PLEKHM2: variants seen among roughly 807,000 people sequenced by gnomAD.
PLEKHM2 encodes pleckstrin homology and RUN domain containing M2, also known as pleckstrin homology domain-containing family M member 2.
In PLEKHM2, 77 loss-of-function variants were observed where a neutral mutation model predicts 116.3. That is an observed-to-expected ratio of 0.66 (90% CI 0.55 to 0.80). The LOEUF is 0.80. PLEKHM2 is among the 30% of genes least tolerant of loss of function. PLEKHM2 has a pLI of 0.00. For synonymous variants in PLEKHM2, 562 were observed against 571.0 expected (o/e 0.98, Z 0.22); for missense variants, 1,183 against 1,354.9 (o/e 0.87, Z 1.99).
At chr1:15,689,222 G>A (rs1480241236) in intron 1 of PLEKHM2, among the ~76,000 whole-genome samples, 1 of 137,320 alleles carries the variant, frequency 7.3e-6, no homozygotes, top group Non-Finnish European at 1.5e-5. Flanking sequence ...TCCAGCCTGG[G>A]CAAAAAGAGC....
rs763246455 is a variant in PLEKHM2, at chr1:15,729,893, A to C, written c.2172A>C (p.Ala724=). The change falls in exon 14 of 20, where the codon GCA becomes GCC. Residue 724 remains alanine, a synonymous_variant. Transcript: ENST00000375799. This position sits in a 1 kb window ranked among gnomAD's most constrained non-coding sequence, Gnocchi z 4.7. ...ILTDATMEKL[A]LAKFVAQESK... Reference sequence around the variant, plus strand: ...CGGATGCCACCATGGAGAAGCTGGCACTGGCCAAATTTGTGGCCCAAGAAT... The same window carrying C: ...CGGATGCCACCATGGAGAAGCTGGCCCTGGCCAAATTTGTGGCCCAAGAAT... The C allele has an allele frequency of 1.2e-6, 2 of 1,613,232 alleles. No homozygotes were observed. The highest frequency in any genetic ancestry group is 1.7e-6 in the Non-Finnish European group (2 of 1,179,776).
chr1:15,705,170 CTTTTTTTTTTTTTT>C (rs71306988), intron 1 of PLEKHM2, among the ~76,000 whole-genome samples: 1 of 74,044 alleles, frequency 1.4e-5, no homozygotes, highest in Non-Finnish European at 2.5e-5. Flanking sequence ...ACGTAGATAT[CTTTTTTTTTTTTTT>C]TTTTTTTTTT....
rs1325122392 is a variant in PLEKHM2, at chr1:15,731,933, G to C, written c.2510G>C (p.Arg837Pro). The change falls in exon 17 of 20, where the codon CGG (arginine) becomes CCG (proline). Residue 837 changes from arginine (R) to proline (P), a missense_variant. Coordinates refer to ENST00000375799, the MANE Select transcript of PLEKHM2 (RefSeq NM_015164.4). ...GGCRRANTTD[R>P]PHAFQVILSD... is the part of the protein sequence containing the mutation. ...TGCCGGAGAGCCAACACCACGGATC[G>C]GCCCCACGCCTTCCAGGTCATTCTC... The C allele has an allele frequency of 6.2e-7, 1 of 1,611,504 alleles. No homozygotes were observed. Among genetic ancestry groups the C allele is most frequent in the South Asian group, 1.1e-5 (1 of 90,912 alleles).
chr1:15,710,708 A>C (rs1641314946), intron 1 of PLEKHM2, among the ~76,000 whole-genome samples: 1 of 152,212 alleles, frequency 6.6e-6, no homozygotes, highest in Non-Finnish European at 1.5e-5. Context: ...ATAAAGTGAA[A>C]ATTTTAAATG....
intron 1 of PLEKHM2, among the ~76,000 whole-genome samples, chr1:15,686,116 G>A (rs2148325639): frequency 6.6e-6 from 1 of 152,358 alleles, no homozygotes; most frequent in Middle Eastern, 3.4e-3. Context: ...ATAAGCATGA[G>A]TCTTTTGAAG....
At position 15,727,826 on chromosome 1, in the gene PLEKHM2, A is replaced by G. The variant is rs1571068152; in HGVS notation, c.1754A>G (p.Glu585Gly). ...GSPSEMVHSS[E>G]FRVDNNHLLL... ...CCTTCGGAGATGGTCCATTCCTCGG[A>G]GTTCAGGTAACAAGACTCTGCAGCT... Residue 585 changes from glutamate to glycine, a missense_variant, in exon 9 of 20, where the codon GAG (glutamate) becomes GGG (glycine). Physicochemically the swap from Glu to Gly is moderately conservative, Grantham distance 98. This residue lies in a region of PLEKHM2 where 594 missense variants were observed against 720.1 expected (regional missense o/e 0.82). Coordinates refer to ENST00000375799, the MANE Select transcript of PLEKHM2 (RefSeq NM_015164.4). This position sits in a 1 kb window ranked among gnomAD's most constrained non-coding sequence, Gnocchi z 7.5. 12 of 1,570,782 alleles carry G rather than the reference A, an allele frequency of 7.6e-6. No individual in the cohort carries two copies. The highest frequency in any genetic ancestry group is 9.5e-6 in the Non-Finnish European group (11 of 1,157,076).
chr1:15,687,047 C>G (rs76777178), intron 1 of PLEKHM2, among the ~76,000 whole-genome samples: 1 of 152,140 alleles, frequency 6.6e-6, no homozygotes, highest in Non-Finnish European at 1.5e-5. Flanking sequence ...CTTGGCCCCC[C>G]GAAGTGCTGG....
intron 1 of PLEKHM2, among the ~76,000 whole-genome samples, chr1:15,687,569 T>C (rs1640799542): frequency 1.3e-5 from 2 of 152,230 alleles, no homozygotes; most frequent in African/African-American, 4.8e-5. Flanking sequence ...GGTTTGAAGA[T>C]GGCTCAACTG....
At position 15,731,994 on chromosome 1, in the gene PLEKHM2, C is replaced by T. The variant is rs72647153; in HGVS notation, c.2571C>T (p.Ser857=). The stretch of plus-strand genomic sequence containing the variant: ...CCTGCCTGGAGCTAAGTGCCGAGAG[C>T]GAGGCCGAGATGGCCGAGTGGATGC... ...DRPCLELSAE[S]EAEMAEWMQH... Residue 857 remains serine (S), a synonymous_variant, in exon 17 of 20, where the codon AGC becomes AGT. Coordinates refer to ENST00000375799, the MANE Select transcript of PLEKHM2 (RefSeq NM_015164.4). The T allele has an allele frequency of 1.9e-4, 314 of 1,612,348 alleles. 1 individual carries two copies. Among genetic ancestry groups the T allele is most frequent in the African/African-American group, 2.5e-4 (19 of 75,026 alleles).
rs750937846 is a variant in PLEKHM2, at chr1:15,727,254, G to C, written c.1182G>C (p.Leu394=). ...GCGAGCGCTCCGAGCCGGGCCTGCT[G>C]ATCCCTGAGATGAAGGACACCTCCA... ...ESSERSEPGL[L]IPEMKDTSME... Residue 394 remains leucine (L), a synonymous_variant, in exon 9 of 20, where the codon CTG becomes CTC. Coordinates refer to ENST00000375799, the MANE Select transcript of PLEKHM2 (RefSeq NM_015164.4). The surrounding 1 kb of genome is among the most constrained non-coding windows in gnomAD (Gnocchi z 7.5). The C allele has an allele frequency of 2.5e-6, 4 of 1,605,594 alleles. No homozygotes were observed. The highest frequency in any genetic ancestry group is 2.7e-5 in the African/African-American group (2 of 74,882).
chr1:15,686,736 C>T (rs1242958168), intron 1 of PLEKHM2, among the ~76,000 whole-genome samples: 3 of 151,404 alleles, frequency 2.0e-5, no homozygotes, highest in Non-Finnish European at 4.4e-5. Flanking sequence ...GCAAGCTCCG[C>T]CTCATGGGTT....
In PLEKHM2 at chr1:15,716,758, G is replaced by GCTCTCCGA; in HGVS notation, c.219_220insCTCTCCGA (p.Arg74LeufsTer66). ...GGGTGCTCGTGGTGCATTTTACTCG[G>GCTCTCCGA]AGAGAGGCCATCAAGCAGATCGAGG... is the stretch of plus-strand genomic sequence containing the variant. On this transcript the variant is annotated frameshift_variant, in exon 3 of 20. Coordinates refer to ENST00000375799, the MANE Select transcript of PLEKHM2 (RefSeq NM_015164.4). LOFTEE classifies it high-confidence loss of function. 6.3e-7 allele frequency: 1 copy of GCTCTCCGA among 1,579,756 alleles called. No individual in the cohort carries two copies. The highest frequency in any genetic ancestry group is 8.6e-7 in the Non-Finnish European group (1 of 1,162,800).
intron 1 of PLEKHM2, among the ~76,000 whole-genome samples, chr1:15,701,067 C>T (rs1357704464): frequency 1.5e-5 from 2 of 135,572 alleles, no homozygotes; most frequent in Non-Finnish European, 3.1e-5. Context: ...GAGCCGAGAT[C>T]ATGCCATTGC....
chr1:15,702,312 C>T (rs758874484), intron 1 of PLEKHM2, among the ~76,000 whole-genome samples: 3 of 152,128 alleles, frequency 2.0e-5, no homozygotes, highest in Non-Finnish European at 2.9e-5. Context: ...CAGTCTGGCT[C>T]GGAGGTTGAG....
chr1:15,694,478 A>G (rs1395444895), intron 1 of PLEKHM2, among the ~76,000 whole-genome samples: 1 of 152,192 alleles, frequency 6.6e-6, no homozygotes, highest in African/African-American at 2.4e-5. Context: ...GGTCTAAACC[A>G]GGCAGCAGGG....
intron 1 of PLEKHM2, among the ~76,000 whole-genome samples, chr1:15,703,086 G>A (rs1641150837): frequency 6.6e-6 from 1 of 152,168 alleles, no homozygotes; most frequent in Admixed American, 6.5e-5. Context: ...GTCCTGCTGA[G>A]GCTCTTCCAA....
At chr1:15,732,188 G>A in intron 17 of PLEKHM2, 140 bp downstream of exon 17, 1 of 932,026 alleles carries the variant, frequency 1.1e-6, no homozygotes, top group South Asian at 1.7e-5. Flanking sequence ...AATGGACCCT[G>A]GAGCTCAGAG....
In PLEKHM2 at chr1:15,727,667, C is replaced by T. The variant is rs751720543; in HGVS notation, c.1595C>T (p.Ser532Phe). 2.5e-6 allele frequency: 4 copies of T among 1,595,460 alleles called. No individual in the cohort carries two copies. The highest frequency in any genetic ancestry group is 3.5e-5 in the Admixed American group (2 of 57,066). ...GCTCAGGAGCTGGAGGCCCAGCTGT[C>T]CCTGGTCAGGGAGGGGCCTGTGTCT... ...REAQELEAQL[S>F]LVREGPVSEP... Residue 532 changes from serine (S) to phenylalanine (F), a missense_variant, in exon 9 of 20, where the codon TCC becomes TTC. Ser to Phe is a radical substitution (Grantham distance 155). Transcript: ENST00000375799. The surrounding 1 kb of genome is among the most constrained non-coding windows in gnomAD (Gnocchi z 7.5).
intron 1 of PLEKHM2, among the ~76,000 whole-genome samples, chr1:15,703,422 C>T (rs147473534): frequency 3.4e-3 from 523 of 152,276 alleles, no homozygotes; most frequent in African/African-American, 0.011. Flanking sequence ...GTATAACTTG[C>T]GAGTTGACAG....
Sources: allele counts gnomAD v4.1 joint callset (sites outside exome capture counted in the v4.1 genomes callset), GRCh38; gene constraint gnomAD v4.1.1; regional missense constraint gnomAD v4.1.1; non-coding constraint Gnocchi (gnomAD v3.1); transcripts MANE v1.5; gene names NCBI Gene and HGNC (gene_info 2026-07-23, HGNC 2026-07-21).